Variants in ZNF280A observed in about 807,000 individuals in gnomAD.
The protein encoded by ZNF280A is suppressor of hairy wing homolog 1.
In ZNF280A, 26 loss-of-function variants were observed where a neutral mutation model predicts 35.9. That is an observed-to-expected ratio of 0.72 (90% confidence interval 0.53 to 1.01). ZNF280A has a LOEUF of 1.01. Among genes scored for constraint, ZNF280A ranks in the 50% least tolerant of loss-of-function variants. The pLI is 0.00. For missense variants in ZNF280A, 654 were observed against 652.0 expected (o/e 1.00, Z -0.03); for synonymous variants, 231 against 232.9 (o/e 0.99, Z 0.07).
chr22:22,513,954 GC>G lies in ZNF280A; in HGVS notation c.*47del. On this transcript the variant is annotated 3_prime_UTR_variant, in exon 2 of 2. Transcript: ENST00000302097. ...ACAGCCACAATGCACATATGGCCTA[GC>G]CTCACTTCTGCCTTTCGGAACTCCT... 1 of 1,056,454 alleles carries G rather than the reference GC, an allele frequency of 9.5e-7. No homozygotes were observed. Among genetic ancestry groups the G allele is most frequent in the Non-Finnish European group, 1.4e-6 (1 of 706,556 alleles). 65.4% of individuals were successfully genotyped at this position (1,056,454 alleles called of 1,614,324 possible).
chr22:22,520,258 C>T lies in ZNF280A; in HGVS notation c.-241G>A, dbSNP rs1228043748. 1 of 152,018 alleles carries T rather than the reference C, an allele frequency of 6.6e-6. No individual in the cohort carries two copies. Among genetic ancestry groups the T allele is most frequent in the Non-Finnish European group, 1.5e-5 (1 of 68,040 alleles). The allele number at this position is 152,018 out of a possible 1,614,324, so 9.4% of individuals were successfully genotyped here. ...CAGGCGAACAACGCCGCTTGCTCTT[C>T]AAAGTCCTTTCTGAGGCCAGATCAG... On this transcript the variant is annotated 5_prime_UTR_variant, in exon 1 of 2. Transcript: ENST00000302097.
chr22:22,516,296 A>AAC (rs1555948002), intron 1 of ZNF280A, among the ~76,000 whole-genome samples: 16 of 149,390 alleles, frequency 1.1e-4, no homozygotes, highest in African/African-American at 2.7e-4. Context: ...CACAAATCAC[A>AAC]GCACACACAC....
intron 1 of ZNF280A, among the ~76,000 whole-genome samples, chr22:22,519,052 T>G (rs775791018): frequency 6.6e-6 from 1 of 151,906 alleles, no homozygotes; most frequent in Non-Finnish European, 1.5e-5. Flanking sequence ...TTTTCATATA[T>G]GTACATACCT....
At position 22,514,069 on chromosome 22, in the gene ZNF280A, T is replaced by G; in HGVS notation, c.1562A>C (p.Lys521Thr). The G allele has an allele frequency of 6.2e-7, 1 of 1,612,898 alleles. No homozygotes were observed. ...SNTDPQSSPV[K>T]TKKKTAMNTR... is the part of the protein sequence containing the mutation. ...GTTCATAGCCGTCTTCTTTTTAGTT[T>G]TTACAGGAGAAGACTGAGGGTCAGT... The change falls in exon 2 of 2, where the codon AAA (lysine) becomes ACA (threonine). Residue 521 changes from lysine (K) to threonine (T), a missense_variant. Lys to Thr is a moderately conservative substitution (Grantham distance 78). Transcript: ENST00000302097.
At chr22:22,516,424 A>G (rs553705383) in intron 1 of ZNF280A, among the ~76,000 whole-genome samples, 1 of 152,008 alleles carries the variant, frequency 6.6e-6, no homozygotes, top group Non-Finnish European at 1.5e-5. Flanking sequence ...ACAGCCAATC[A>G]ATTAGCAAAG....
intron 1 of ZNF280A, among the ~76,000 whole-genome samples, chr22:22,516,720 C>T (rs1389427937): frequency 1.3e-5 from 2 of 151,984 alleles, no homozygotes; most frequent in Non-Finnish European, 2.9e-5. Flanking sequence ...CATCATCGCC[C>T]TTGCTAACTC....
chr22:22,516,939 T>C (rs1029600534), intron 1 of ZNF280A, among the ~76,000 whole-genome samples: 9 of 151,870 alleles, frequency 5.9e-5, no homozygotes, highest in Admixed American at 4.6e-4. Context: ...CCTCCTTAAC[T>C]CATATGTTCA....
intron 1 of ZNF280A, 110 bp from the exon 2 acceptor site, chr22:22,515,811 C>T: frequency 9.7e-7 from 1 of 1,030,258 alleles, no homozygotes; most frequent in Non-Finnish European, 1.3e-6. Context: ...CTCTATTTTA[C>T]ACGTCAGAAA....
At chr22:22,517,998 C>T (rs890848901) in intron 1 of ZNF280A, among the ~76,000 whole-genome samples, 35 of 149,356 alleles carry the variant, frequency 2.3e-4, no homozygotes, top group African/African-American at 8.1e-4. Flanking sequence ...GATCTCGGCT[C>T]ACTGCAGGCT....
At position 22,514,562 on chromosome 22, in the gene ZNF280A, G is replaced by A. The variant is rs2062046882; in HGVS notation, c.1069C>T (p.His357Tyr). ...FQLQCHIDSV[H>Y]IAMGPSAVCK... ...ACAGCAGAGGGCCCCATGGCGATGT[G>A]TACACTATCAATGTGACACTGTAGC... Residue 357 changes from histidine (H) to tyrosine (Y), a missense_variant, in exon 2 of 2, where the codon CAC (histidine) becomes TAC (tyrosine). Coordinates refer to ENST00000302097, the MANE Select transcript of ZNF280A (RefSeq NM_080740.5). The A allele has an allele frequency of 2.5e-6, 4 of 1,613,816 alleles. No homozygotes were observed. The highest frequency in any genetic ancestry group is 3.4e-6 in the Non-Finnish European group (4 of 1,179,994).
In ZNF280A at chr22:22,514,171, G is replaced by A; in HGVS notation, c.1460C>T (p.Pro487Leu). Residue 487 changes from proline (P) to leucine (L), a missense_variant, in exon 2 of 2, where the codon CCT (proline) becomes CTT (leucine). Physicochemically the swap from Pro to Leu is moderately conservative, Grantham distance 98. Transcript: ENST00000302097. ...TTGAATAATAACTTTTGTTTCACTA[G>A]GCAACCCTTGCAGTTGCTCCGGCTT... is the stretch of plus-strand genomic sequence containing the variant. ...FKKPEQLQGL[P>L]SETKVIIQTS... 6.2e-7 allele frequency: 1 copy of A among 1,613,816 alleles called. No individual in the cohort carries two copies. Among genetic ancestry groups the A allele is most frequent in the Non-Finnish European group, 8.5e-7 (1 of 1,179,970 alleles).
Position 22,514,541 on chromosome 22 carries a change from C to T in ZNF280A, c.1090G>A (p.Ala364Thr), listed in dbSNP as rs754993471. 5.0e-6 allele frequency: 8 copies of T among 1,613,806 alleles called. No individual in the cohort carries two copies. The highest frequency in any genetic ancestry group is 1.3e-5 in the African/African-American group (1 of 74,864). Residue 364 changes from alanine to threonine, a missense_variant, in exon 2 of 2, where the codon GCT (alanine) becomes ACT (threonine). Transcript: ENST00000302097. ...DSVHIAMGPS[A>T]VCKICELSFE... is the part of the protein sequence containing the mutation. The stretch of plus-strand genomic sequence containing the variant: ...GACAATTCACAGATTTTACAGACAG[C>T]AGAGGGCCCCATGGCGATGTGTACA...
At position 22,515,486 on chromosome 22, in the gene ZNF280A, C is replaced by G. The variant is rs199865764; in HGVS notation, c.145G>C (p.Val49Leu). The G allele has an allele frequency of 4.3e-5, 70 of 1,613,754 alleles. No homozygotes were observed. Among genetic ancestry groups the G allele is most frequent in the Non-Finnish European group, 1.2e-5 (14 of 1,179,976 alleles). Residue 49 changes from valine (V) to leucine (L), a missense_variant, in exon 2 of 2, where the codon GTC becomes CTC. Val to Leu is a conservative substitution (Grantham distance 32, BLOSUM62 1). Transcript: ENST00000302097. ...GGTTTTGAATTTGAAATCATCCCGACAAAGAGAACTTCAGCATCTCTATGT... is the reference window on the plus strand; with the variant it reads ...GGTTTTGAATTTGAAATCATCCCGAGAAAGAGAACTTCAGCATCTCTATGT... ...HVHRDAEVLF[V>L]GMISNSKPVV...
chr22:22,516,299 A>G (rs1033349379), intron 1 of ZNF280A, among the ~76,000 whole-genome samples: 1 of 149,340 alleles, frequency 6.7e-6, no homozygotes, highest in South Asian at 2.1e-4. Flanking sequence ...AAATCACAGC[A>G]CACACACACA....
In ZNF280A at chr22:22,513,852, T is replaced by A; in HGVS notation, c.*150A>T. The A allele has an allele frequency of 1.2e-5, 7 of 593,962 alleles. No homozygotes were observed. The South Asian group carries it at 1.6e-4, about 14-fold the overall frequency. 36.8% of individuals were successfully genotyped at this position (593,962 alleles called of 1,614,324 possible). A position where few individuals can be genotyped will look rare whatever the true frequency, so the allele number is the denominator to read the frequency against. On this transcript the variant is annotated 3_prime_UTR_variant, in exon 2 of 2. Coordinates refer to ENST00000302097, the MANE Select transcript of ZNF280A (RefSeq NM_080740.5). ...AAGGGCTCAAAGACTTTGGAGCTAC[T>A]TCTTGACAATAGGGAGCTGATGAGA...
Position 22,514,332 on chromosome 22 carries a change from T to G in ZNF280A, c.1299A>C (p.Lys433Asn). ...LLCLFCLKLF[K>N]TAIPYMNHCW... is the part of the protein sequence containing the mutation. Reference sequence around the variant, plus strand: ...AATGATTCATGTATGGTATTGCAGTTTTGAAAAGTTTGAGACAAAACAGAC... The same window carrying G: ...AATGATTCATGTATGGTATTGCAGTGTTGAAAAGTTTGAGACAAAACAGAC... The change falls in exon 2 of 2, where the codon AAA becomes AAC. Residue 433 changes from lysine to asparagine, a missense_variant. Coordinates refer to ENST00000302097, the MANE Select transcript of ZNF280A (RefSeq NM_080740.5). 5 of 1,613,966 alleles carry G rather than the reference T, an allele frequency of 3.1e-6. No individual in the cohort carries two copies. The highest frequency in any genetic ancestry group is 4.2e-6 in the Non-Finnish European group (5 of 1,179,994).
Position 22,515,224 on chromosome 22 carries a change from C to G in ZNF280A, c.407G>C (p.Ser136Thr), listed in dbSNP as rs362011. ...KMSSPQVVSP[S>T]SSDSLPPGTQ... ...CCCTGGGGGGAGCGAGTCTGAGGAA[C>G]TGGGAGAAACAACTTGTGGTGAGCT... The change falls in exon 2 of 2, where the codon AGT becomes ACT. Residue 136 changes from serine (S) to threonine (T), a missense_variant. Physicochemically the swap from Ser to Thr is moderately conservative, Grantham distance 58. Transcript: ENST00000302097. 1 of 1,612,850 alleles carries G rather than the reference C, an allele frequency of 6.2e-7. No homozygotes were observed. The highest frequency in any genetic ancestry group is 1.3e-5 in the African/African-American group (1 of 74,492).
intron 1 of ZNF280A, among the ~76,000 whole-genome samples, chr22:22,519,379 G>C (rs969769162): frequency 6.6e-6 from 1 of 151,906 alleles, no homozygotes; most frequent in African/African-American, 2.4e-5. Context: ...GTTGCAGTGA[G>C]CCGAGATCGC....
chr22:22,519,247 A>T (rs2062111294), intron 1 of ZNF280A, among the ~76,000 whole-genome samples: 1 of 151,864 alleles, frequency 6.6e-6, no homozygotes, highest in South Asian at 2.1e-4. Flanking sequence ...CAGCCTGGCC[A>T]ACATGGTGAA....
Sources: gnomAD v4.1 joint callset for allele counts (sites outside exome capture counted in the v4.1 genomes callset) on GRCh38, gnomAD v4.1.1 for gene constraint, MANE v1.5 for transcripts, NCBI Gene and HGNC (gene_info 2026-07-23, HGNC 2026-07-21) for gene names.